IGF2BP3: variants seen among roughly 807,000 people sequenced by gnomAD.
IGF2BP3 encodes insulin like growth factor 2 mRNA binding protein 3, also known as insulin-like growth factor 2 mRNA-binding protein 3.
IGF2BP3 carries 9 observed loss-of-function variants against 73.8 expected under a neutral mutation model. The observed-to-expected ratio is 0.12, with a 90% CI of 0.07 to 0.21. The LOEUF (loss-of-function observed/expected upper bound fraction) is 0.21, where lower values mean the gene tolerates loss of function less well. Ranked by LOEUF, IGF2BP3 falls within the 10% of genes least tolerant of loss-of-function variation. IGF2BP3 has a pLI of 1.00. For synonymous variants in IGF2BP3, 258 were observed against 256.7 expected (o/e 1.01, Z -0.05); for missense variants, 542 against 714.0 (o/e 0.76, Z 2.75).
At chr7:23,347,011 G>T (rs185618157) in intron 7 of IGF2BP3, among the ~76,000 whole-genome samples, 283 of 152,184 alleles carry the variant, frequency 1.9e-3, no homozygotes, top group Middle Eastern at 6.8e-3. Flanking sequence ...TACAAATTAA[G>T]GTTGGTAATG....
At chr7:23,422,854 A>G (rs907322639) in intron 2 of IGF2BP3, among the ~76,000 whole-genome samples, 4 of 152,184 alleles carry the variant, frequency 2.6e-5, no homozygotes, top group African/African-American at 9.7e-5. Flanking sequence ...GGAGTATAGT[A>G]GCGTAATCTC....
intron 2 of IGF2BP3, among the ~76,000 whole-genome samples, chr7:23,454,302 A>C (rs992031465): frequency 1.3e-5 from 2 of 152,164 alleles, no homozygotes; most frequent in Admixed American, 1.3e-4. Context: ...CATTTTAGGG[A>C]TTCTAAGATC....
chr7:23,327,388 C>G (rs1784331011), intron 10 of IGF2BP3, among the ~76,000 whole-genome samples: 1 of 150,838 alleles, frequency 6.6e-6, no homozygotes, highest in Non-Finnish European at 1.5e-5. Context: ...TCACGCCATT[C>G]TCCTGCCTCA....
intron 5 of IGF2BP3, among the ~76,000 whole-genome samples, chr7:23,356,525 C>G (rs1583928298): frequency 6.6e-6 from 1 of 152,268 alleles, no homozygotes; most frequent in Non-Finnish European, 1.5e-5. Flanking sequence ...CCACTGCACT[C>G]CCAAGTCTGC....
chr7:23,393,128 A>G (rs1277769599), intron 3 of IGF2BP3, among the ~76,000 whole-genome samples: 1 of 152,006 alleles, frequency 6.6e-6, no homozygotes, highest in African/African-American at 2.4e-5. Flanking sequence ...CTTTCATCCA[A>G]CTCAAGATGT....
chr7:23,383,069 A>G (rs946664222), intron 3 of IGF2BP3, among the ~76,000 whole-genome samples: 1 of 151,964 alleles, frequency 6.6e-6, no homozygotes, highest in African/African-American at 2.4e-5. Flanking sequence ...TCTGTCTCAA[A>G]ACAAACAAAC....
intron 2 of IGF2BP3, among the ~76,000 whole-genome samples, chr7:23,453,883 C>T (rs1341245964): frequency 6.6e-6 from 1 of 152,194 alleles, no homozygotes; most frequent in Non-Finnish European, 1.5e-5. Flanking sequence ...TAGGATCTCA[C>T]TCTATCGCCC....
chr7:23,374,287 C>T (rs1785650302), intron 3 of IGF2BP3, among the ~76,000 whole-genome samples: 1 of 152,140 alleles, frequency 6.6e-6, no homozygotes, highest in South Asian at 2.1e-4. Context: ...ACAGTCATCC[C>T]TCGGTATCTG....
In IGF2BP3 at chr7:23,348,099, T is replaced by C. The variant is rs116296135; in HGVS notation, c.684-365A>G. On this transcript the variant is annotated intron_variant, in intron 6 of 14. Coordinates refer to ENST00000258729, the MANE Select transcript of IGF2BP3 (RefSeq NM_006547.3). The stretch of plus-strand genomic sequence containing the variant: ...ACTGGAGGGCATGCCAAGAGAGGAG[T>C]TGGAATCCCATAAGCCAAGTTGAAC... 1.8e-3 allele frequency among the ~76,000 whole-genome samples: 277 copies of C among 152,148 alleles called. 3 individuals are homozygous for C. The highest frequency in any genetic ancestry group is 6.2e-3 in the African/African-American group (257 of 41,514).
chr7:23,371,072 C>T (rs1785528359), intron 3 of IGF2BP3, among the ~76,000 whole-genome samples: 1 of 151,996 alleles, frequency 6.6e-6, no homozygotes, highest in Admixed American at 6.6e-5. Flanking sequence ...ACAAGCATTA[C>T]AAAAATCACA....
Position 23,351,318 on chromosome 7 carries a change from G to C in IGF2BP3, c.670C>G (p.Gln224Glu). Residue 224 changes from glutamine to glutamate, a missense_variant, in exon 6 of 15, where the codon CAG becomes GAG. By Grantham distance (29) the Gln-to-Glu change is conservative (BLOSUM62 2). This residue lies in a region of IGF2BP3 where 303 missense variants were observed against 472.1 expected (regional missense o/e 0.64). Coordinates refer to ENST00000258729, the MANE Select transcript of IGF2BP3 (RefSeq NM_006547.3). ...CAGCATACTCACTTAGACTGGGTCTGTTTGGTGATGTTCCGAATGGTGGCA... is the reference window on the plus strand; with the variant it reads ...CAGCATACTCACTTAGACTGGGTCTCTTTGGTGATGTTCCGAATGGTGGCA... Reference protein sequence around the residue: ...EGATIRNITKQTQSKIDVHRK... With the variant: ...EGATIRNITKETQSKIDVHRK... 1 of 1,613,854 alleles carries C rather than the reference G, an allele frequency of 6.2e-7. No individual in the cohort carries two copies. The highest frequency in any genetic ancestry group is 8.5e-7 in the Non-Finnish European group (1 of 1,179,852).
chr7:23,320,328 A>G (rs1265338122), intron 10 of IGF2BP3, among the ~76,000 whole-genome samples: 3 of 152,104 alleles, frequency 2.0e-5, no homozygotes, highest in Non-Finnish European at 4.4e-5. Flanking sequence ...TCCCACTTCA[A>G]GCCAGTTGTG....
At chr7:23,394,509 G>A (rs1173088649) in intron 3 of IGF2BP3, 1 of 152,112 alleles carries the variant, frequency 6.6e-6, no homozygotes, top group Non-Finnish European at 1.5e-5. Flanking sequence ...AACCATGAGA[G>A]AAAAATAAAG....
chr7:23,316,809 G>C (rs1213034535), intron 12 of IGF2BP3, among the ~76,000 whole-genome samples: 1 of 152,008 alleles, frequency 6.6e-6, no homozygotes, highest in Admixed American at 6.6e-5. Context: ...ACACTAAAAG[G>C]AATATATTTA....
intron 3 of IGF2BP3, among the ~76,000 whole-genome samples, chr7:23,378,097 A>G (rs1785784000): frequency 6.6e-6 from 1 of 152,198 alleles, no homozygotes; most frequent in African/African-American, 2.4e-5. Context: ...GGTGAATTTT[A>G]TGACATCAAA....
At chr7:23,465,750 A>T (rs1788552657) in intron 2 of IGF2BP3, among the ~76,000 whole-genome samples, 1 of 152,166 alleles carries the variant, frequency 6.6e-6, no homozygotes, top group Non-Finnish European at 1.5e-5. Context: ...GATGGAATGA[A>T]ATGACTGCTA....
At chr7:23,403,934 G>A (rs1786745988) in intron 3 of IGF2BP3, among the ~76,000 whole-genome samples, 1 of 151,590 alleles carries the variant, frequency 6.6e-6, no homozygotes, top group South Asian at 2.1e-4. Context: ...ACCAGCCTGG[G>A]CAATGTAGCA....
At chr7:23,404,936 A>G (rs758050480) in intron 3 of IGF2BP3, 5 of 152,128 alleles carry the variant, frequency 3.3e-5, no homozygotes, top group Non-Finnish European at 7.4e-5. Context: ...TTTGTTCATT[A>G]AAACTGGAGG....
Position 23,310,476 on chromosome 7 carries a change from A to T in IGF2BP3, c.*1886T>A, listed in dbSNP as rs950471461. 3.9e-5 allele frequency: 6 copies of T among 152,248 alleles called. No homozygotes were observed. Among genetic ancestry groups the T allele is most frequent in the African/African-American group, 1.4e-4 (6 of 41,462 alleles). The allele number at this position is 152,248 out of a possible 1,614,324, so 9.4% of individuals were successfully genotyped here. A position where few individuals can be genotyped will look rare whatever the true frequency, so the allele number is the denominator to read the frequency against. On this transcript the variant is annotated 3_prime_UTR_variant, in exon 15 of 15. Coordinates refer to ENST00000258729, the MANE Select transcript of IGF2BP3 (RefSeq NM_006547.3). ...ATGCAGCACCTATGTGTATATTTTT[A>T]AAAAATCAAATATTGGGGAAAAAAA...
Sources: gnomAD v4.1 joint callset for allele counts (sites outside exome capture counted in the v4.1 genomes callset) on GRCh38, gnomAD v4.1.1 for gene constraint, gnomAD v4.1.1 regional missense constraint, MANE v1.5 for transcripts, NCBI Gene and HGNC (gene_info 2026-07-23, HGNC 2026-07-21) for gene names.